TTC28: variants seen among roughly 807,000 people sequenced by gnomAD.
TTC28 encodes the protein tetratricopeptide repeat protein 28.
Under a neutral mutation model 198.0 loss-of-function variants are expected in TTC28, and 61 were observed. The observed-to-expected ratio is 0.31, with a 90% CI of 0.25 to 0.38. The LOEUF is 0.38. TTC28 is among the 10% of genes least tolerant of loss of function. The probability of loss-of-function intolerance (pLI) is 1.00; values close to 1 mark genes in which losing one functional copy is unlikely to be tolerated. For missense variants in TTC28, 2,678 were observed against 3,164.0 expected, an observed-to-expected ratio of 0.85 and a Z score of 3.69; for synonymous variants, 1,171 against 1,297.8, an observed-to-expected ratio of 0.90 and a Z score of 2.10.
At chr22:28,253,989 C>T (rs1016178552) in intron 5 of TTC28, among the ~76,000 whole-genome samples, 1 of 151,612 alleles carries the variant, frequency 6.6e-6, no homozygotes, top group Non-Finnish European at 1.5e-5. Context: ...CTTGTAATCC[C>T]GCTACCTGGG....
intron 5 of TTC28, among the ~76,000 whole-genome samples, chr22:28,269,993 G>C (rs1931948308): frequency 6.6e-6 from 1 of 152,176 alleles, no homozygotes; most frequent in Non-Finnish European, 1.5e-5. Flanking sequence ...GGTAAGAACT[G>C]TTGACAAAAA....
At position 27,998,809 on chromosome 22, in the gene TTC28, G is replaced by A. The variant is rs866662374; in HGVS notation, c.4850C>T (p.Pro1617Leu). The A allele has an allele frequency of 9.0e-6, 14 of 1,550,448 alleles. No individual in the cohort carries two copies. In the African/African-American group the frequency reaches 1.8e-4, roughly 20 times the overall value. ...TAADVLDLQL[P>L]VKLVVLGSSQ... ...GGAGCCAAGCACCACCAGCTTCACAGGCAGCTGCAGGTCCAGGACGTCGGC... is the reference window on the plus strand; with the variant it reads ...GGAGCCAAGCACCACCAGCTTCACAAGCAGCTGCAGGTCCAGGACGTCGGC... The change falls in exon 16 of 23, where the codon CCT becomes CTT. Residue 1617 changes from proline to leucine, a missense_variant. Physicochemically the swap from Pro to Leu is moderately conservative, Grantham distance 98. This residue lies in a region of TTC28 where 727 missense variants were observed against 861.9 expected (regional missense o/e 0.84). Transcript: ENST00000397906.
intron 5 of TTC28, among the ~76,000 whole-genome samples, chr22:28,241,405 C>A (rs1929644727): frequency 6.6e-6 from 1 of 151,966 alleles, no homozygotes; most frequent in Non-Finnish European, 1.5e-5. Context: ...TGGATTGGAT[C>A]CTGGACAAGG....
At chr22:28,524,369 A>T (rs910962540) in intron 2 of TTC28, among the ~76,000 whole-genome samples, 1 of 151,422 alleles carries the variant, frequency 6.6e-6, no homozygotes, top group Non-Finnish European at 1.5e-5. Context: ...CTGAGACAGG[A>T]GAATGGCGTG....
chr22:28,256,875 C>T (rs915890258), intron 5 of TTC28, among the ~76,000 whole-genome samples: 1 of 152,000 alleles, frequency 6.6e-6, no homozygotes, highest in Non-Finnish European at 1.5e-5. Context: ...GCCATCTCTA[C>T]CAAAAATCAA....
intron 5 of TTC28, among the ~76,000 whole-genome samples, chr22:28,214,487 A>G (rs1267291093): frequency 6.6e-6 from 1 of 152,186 alleles, no homozygotes; most frequent in African/African-American, 2.4e-5. Flanking sequence ...GAACAGACAC[A>G]TCTCAAAAGA....
chr22:27,998,317 T>G (rs1396354974), intron 16 of TTC28: 5 of 727,482 alleles, frequency 6.9e-6, no homozygotes, highest in Non-Finnish European at 1.1e-5. Context: ...CATACACTCA[T>G]GGCAAATGGT....
At chr22:28,614,266 T>C (rs895155653) in intron 2 of TTC28, among the ~76,000 whole-genome samples, 1 of 152,120 alleles carries the variant, frequency 6.6e-6, no homozygotes, top group Non-Finnish European at 1.5e-5. Context: ...CAAGGAGAAC[T>C]ACAAAACACT....
chr22:28,545,891 G>A (rs1247772444), intron 2 of TTC28, among the ~76,000 whole-genome samples: 2 of 152,136 alleles, frequency 1.3e-5, no homozygotes, highest in Non-Finnish European at 1.5e-5. Flanking sequence ...TTGTTAAGAT[G>A]TCAATTCTAC....
At chr22:28,368,219 A>C (rs1291042965) in intron 2 of TTC28, among the ~76,000 whole-genome samples, 1 of 152,094 alleles carries the variant, frequency 6.6e-6, no homozygotes, top group African/African-American at 2.4e-5. Context: ...TACATTAACA[A>C]GATCACCATG....
chr22:28,359,804 T>C (rs2046131302), intron 2 of TTC28, among the ~76,000 whole-genome samples: 3 of 152,180 alleles, frequency 2.0e-5, no homozygotes, highest in Admixed American at 1.3e-4. Flanking sequence ...GTCTTATCAA[T>C]GTCAGGATTA....
intron 6 of TTC28, among the ~76,000 whole-genome samples, chr22:28,153,932 T>G (rs576838824): frequency 2.1e-4 from 32 of 152,312 alleles, no homozygotes; most frequent in African/African-American, 7.5e-4. Context: ...GGCCTGAAAC[T>G]GATGTGTGTG....
intron 3 of TTC28, among the ~76,000 whole-genome samples, chr22:28,299,355 AC>A (rs1271677775): frequency 6.6e-6 from 1 of 152,188 alleles, no homozygotes; most frequent in Non-Finnish European, 1.5e-5. Flanking sequence ...TAAAGTCTCC[AC>A]TAAAAAGCTC....
rs138610593 is a variant in TTC28 at position 28,583,984 on chromosome 22, GT to G, written c.381+45567del. On this transcript the variant is annotated intron_variant, in intron 2 of 22. Transcript: ENST00000397906. ...CATGTATTATTTTCTCTCTTTCTCC[GT>G]TTTTTTTTTGTTTTGTTTTTGTTTT... 2.4e-3 allele frequency among the ~76,000 whole-genome samples: 318 copies of G among 131,750 alleles called. 1 individual carries two copies. Among genetic ancestry groups the G allele is most frequent in the Middle Eastern group, 4.5e-3 (1 of 224 alleles). 86.4% of individuals were successfully genotyped at this position (131,750 alleles called of 152,430 possible).
At chr22:28,658,907 G>C (rs1045134070) in intron 1 of TTC28, among the ~76,000 whole-genome samples, 3 of 152,176 alleles carry the variant, frequency 2.0e-5, no homozygotes, top group African/African-American at 7.2e-5. Flanking sequence ...TGAGGCAGGA[G>C]AATTGCTTGA....
intron 2 of TTC28, among the ~76,000 whole-genome samples, chr22:28,502,869 TC>T (rs2048556231): frequency 1.3e-5 from 2 of 152,148 alleles, no homozygotes; most frequent in Non-Finnish European, 1.5e-5. Flanking sequence ...TAATAAAAAT[TC>T]ATCATCAAAT....
At chr22:28,204,778 A>T (rs762162839) in intron 5 of TTC28, among the ~76,000 whole-genome samples, 48 of 152,306 alleles carry the variant, frequency 3.2e-4, no homozygotes, top group Middle Eastern at 6.8e-3. Context: ...TATGATAAAA[A>T]TGTATTAAAT....
At chr22:28,428,813 TG>T (rs1404702564) in intron 2 of TTC28, among the ~76,000 whole-genome samples, 3 of 151,862 alleles carry the variant, frequency 2.0e-5, no homozygotes, top group African/African-American at 4.8e-5. Flanking sequence ...TAATTTTTTT[TG>T]TATCTTTAGT....
chr22:28,156,897 T>C (rs1391949987), intron 6 of TTC28, among the ~76,000 whole-genome samples: 3 of 151,960 alleles, frequency 2.0e-5, no homozygotes, highest in Non-Finnish European at 2.9e-5. Context: ...CTTAAAGGAC[T>C]AGAAAGCAAG....
Sources: allele counts gnomAD v4.1 joint callset (sites outside exome capture counted in the v4.1 genomes callset), GRCh38; gene constraint gnomAD v4.1.1; regional missense constraint gnomAD v4.1.1; transcripts MANE v1.5; gene names NCBI Gene and HGNC (gene_info 2026-07-23, HGNC 2026-07-21).